Variants in SLC39A2 observed in about 807,000 individuals in gnomAD.
SLC39A2 encodes the protein solute carrier family 39 member 2.
Under a neutral mutation model 18.0 loss-of-function variants are expected in SLC39A2, and 14 were observed. The observed-to-expected ratio is 0.78, with a 90% CI of 0.51 to 1.22. The LOEUF is 1.22. Ranked by LOEUF, SLC39A2 falls within the 50% of genes most tolerant of loss-of-function variation. The probability of loss-of-function intolerance (pLI) is 0.00; values close to 1 mark genes in which losing one functional copy is unlikely to be tolerated. For missense variants in SLC39A2, 375 were observed against 370.6 expected (o/e 1.01, Z -0.10); for synonymous variants, 152 against 153.1 (o/e 0.99, Z 0.05).
chr14:20,999,945 A>T, intron 2 of SLC39A2, 73 bp downstream of exon 2: 1 of 1,586,574 alleles, frequency 6.3e-7, no homozygotes. Context: ...AGAGAGCGGG[A>T]AAGTGATGGA....
At chr14:21,000,888 C>A in intron 3 of SLC39A2, 59 bp from the exon 4 acceptor site, 1 of 1,311,798 alleles carries the variant, frequency 7.6e-7, no homozygotes, top group African/African-American at 1.5e-5. Context: ...AATTCCATGT[C>A]CATCCAATGT....
chr14:20,999,460 T>C lies in SLC39A2; in HGVS notation c.14T>C (p.Leu5Pro), dbSNP rs147067302. 1.5e-5 allele frequency: 24 copies of C among 1,613,858 alleles called. No homozygotes were observed. The African/African-American group carries it at 2.1e-4, about 14-fold the overall frequency. ...TACACCCCAGAGATGGAGCAACTAC[T>C]AGGAATAAAACTTGGCTGCCTGTTT... MEQL[L>P]GIKLGCLFAL... Residue 5 changes from leucine to proline, a missense_variant, in exon 1 of 4, where the codon CTA (leucine) becomes CCA (proline). Coordinates refer to ENST00000298681, the MANE Select transcript of SLC39A2 (RefSeq NM_014579.4).
intron 2 of SLC39A2, 86 bp downstream of exon 2, chr14:20,999,958 C>A: frequency 6.4e-7 from 1 of 1,558,560 alleles, no homozygotes; most frequent in Non-Finnish European, 8.8e-7. Flanking sequence ...GTGATGGAGC[C>A]AAGGACATGG....
intron 3 of SLC39A2, among the ~76,000 whole-genome samples, chr14:21,000,497 G>T (rs546954902): frequency 7.9e-5 from 12 of 152,242 alleles, no homozygotes; most frequent in African/African-American, 2.9e-4. Context: ...TTGTTGAGAT[G>T]AAATCTCTCT....
Position 20,999,675 on chromosome 14 carries a change from C to T in SLC39A2, c.116-67C>T, listed in dbSNP as rs78573493. 4.5e-4 allele frequency: 716 copies of T among 1,598,362 alleles called. 4 individuals are homozygous for T. The East Asian group carries it at 0.015, about 35-fold the overall frequency. On this transcript the variant is annotated intron_variant, in intron 1 of 3. Transcript: ENST00000298681. ...ACCTTGGGATATTGAGTGCTGCCTG[C>T]TGCTCTTTACTCACCTTTGTCTGTC...
chr14:21,001,557 C>A lies in SLC39A2; in HGVS notation c.908C>A (p.Ala303Asp), dbSNP rs1232793826. ...SCVAAGFAFM[A>D]FIALWA ...GTAGCCGCTGGTTTTGCCTTCATGG[C>A]CTTTATTGCCTTGTGGGCCTGAGAG... The change falls in exon 4 of 4, where the codon GCC becomes GAC. Residue 303 changes from alanine (A) to aspartate (D), a missense_variant. Physicochemically the swap from Ala to Asp is moderately radical, Grantham distance 126. Transcript: ENST00000298681. 6.4e-7 allele frequency: 1 copy of A among 1,564,816 alleles called. No homozygotes were observed. Among genetic ancestry groups the A allele is most frequent in the South Asian group, 1.2e-5 (1 of 81,880 alleles).
rs924451673 is a variant in SLC39A2, at chr14:21,001,645, A to G, written c.*66A>G. 3.3e-5 allele frequency: 49 copies of G among 1,464,670 alleles called. No homozygotes were observed. The highest frequency in any genetic ancestry group is 2.3e-5 in the Non-Finnish European group (25 of 1,092,122). The allele number at this position is 1,464,670 out of a possible 1,614,324, so 90.7% of individuals were successfully genotyped here. ...TCTCTATCCCCAGGGAGACCTCCCA[A>G]ATGGCTTTGACCCTCAGACATTTCT... On this transcript the variant is annotated 3_prime_UTR_variant, in exon 4 of 4. Transcript: ENST00000298681.
At chr14:21,000,895 A>G (rs1433676274) in intron 3 of SLC39A2, 52 bp from the exon 4 acceptor site, 2 of 1,367,322 alleles carry the variant, frequency 1.5e-6, no homozygotes, top group Admixed American at 2.5e-5. Context: ...TGTCCATCCA[A>G]TGTATTGCCT....
In SLC39A2 at chr14:21,001,664, C is replaced by A; in HGVS notation, c.*85C>A. On this transcript the variant is annotated 3_prime_UTR_variant, in exon 4 of 4. Transcript: ENST00000298681. ...CTCCCAAATGGCTTTGACCCTCAGA[C>A]ATTTCTTTACTCAGACTAAATAGCA... 1 of 1,335,512 alleles carries A rather than the reference C, an allele frequency of 7.5e-7. No homozygotes were observed. The highest frequency in any genetic ancestry group is 1.0e-6 in the Non-Finnish European group (1 of 978,006). The allele number at this position is 1,335,512 out of a possible 1,614,324, so 82.7% of individuals were successfully genotyped here.
rs758704040 is a variant in SLC39A2, at chr14:21,001,593, T to C, written c.*14T>C. 2.0e-6 allele frequency: 3 copies of C among 1,531,472 alleles called. No homozygotes were observed. The highest frequency in any genetic ancestry group is 4.3e-5 in the Admixed American group (2 of 46,642). The allele number at this position is 1,531,472 out of a possible 1,614,324, so 94.9% of individuals were successfully genotyped here. ...TTGTGGGCCTGAGAGATTCCTGGCT[T>C]TTCTGATGGACCTATTTAGGACAAC... On this transcript the variant is annotated 3_prime_UTR_variant, in exon 4 of 4. Coordinates refer to ENST00000298681, the MANE Select transcript of SLC39A2 (RefSeq NM_014579.4).
chr14:21,000,195 G>A lies in SLC39A2; in HGVS notation c.297+29G>A, dbSNP rs756257289. Reference sequence around the variant, plus strand: ...AGTACCTCCCACCATCCCCTATCTGGAGAGTGAGGAGAACCAGAGAGGCCT... The same window carrying A: ...AGTACCTCCCACCATCCCCTATCTGAAGAGTGAGGAGAACCAGAGAGGCCT... On this transcript the variant is annotated intron_variant, in intron 3 of 3. Transcript: ENST00000298681. The A allele has an allele frequency of 9.6e-6, 15 of 1,567,008 alleles. No individual in the cohort carries two copies. In the South Asian group the frequency reaches 1.7e-4, roughly 18 times the overall value.
Position 20,999,444 on chromosome 14 carries a change from G to C in SLC39A2, c.-3G>C. 6.2e-7 allele frequency: 1 copy of C among 1,612,018 alleles called. No individual in the cohort carries two copies. The highest frequency in any genetic ancestry group is 1.1e-5 in the South Asian group (1 of 91,042). On this transcript the variant is annotated 5_prime_UTR_variant, in exon 1 of 4. Coordinates refer to ENST00000298681, the MANE Select transcript of SLC39A2 (RefSeq NM_014579.4). ...ACTCCTGGGCTTACCCTACACCCCA[G>C]AGATGGAGCAACTACTAGGAATAAA... is the stretch of plus-strand genomic sequence containing the variant.
rs762488683 is a variant in SLC39A2 at position 21,000,955 on chromosome 14, T to A, written c.306T>A (p.Tyr102Ter). ...CTTCTTTTTGTTTCTAGATGGAGTA[T>A]CCCTATGGAGAGCTCATCATCTCCC... ...SGDADSAHME[Y>*]PYGELIISLG... The change falls in exon 4 of 4, where the codon TAT becomes TAA. Residue 102 changes from tyrosine to a stop codon, truncating the protein, a stop_gained. Coordinates refer to ENST00000298681, the MANE Select transcript of SLC39A2 (RefSeq NM_014579.4). LOFTEE classifies it low-confidence loss of function (END_TRUNC). 2.0e-6 allele frequency: 3 copies of A among 1,485,726 alleles called. No homozygotes were observed. The highest frequency in any genetic ancestry group is 1.8e-6 in the Non-Finnish European group (2 of 1,117,398). The allele number at this position is 1,485,726 out of a possible 1,614,324, so 92.0% of individuals were successfully genotyped here.
intron 3 of SLC39A2, 117 bp from the exon 4 acceptor site, chr14:21,000,830 C>T: frequency 2.3e-6 from 2 of 875,136 alleles, no homozygotes; most frequent in South Asian, 2.5e-5. Context: ...TTTCCCCTAC[C>T]CTTTTTTGTG....
At position 21,001,410 on chromosome 14, in the gene SLC39A2, G is replaced by A. The variant is rs772255805; in HGVS notation, c.761G>A (p.Arg254Gln). ...AVTGGDSEGG[R>Q]GLAQAVLEGV... is the part of the protein sequence containing the mutation. ...ACTGGAGGGGACTCTGAAGGAGGGCGGGGCTTAGCCCAGGCTGTGTTAGAG... is the reference window on the plus strand; with the variant it reads ...ACTGGAGGGGACTCTGAAGGAGGGCAGGGCTTAGCCCAGGCTGTGTTAGAG... Residue 254 changes from arginine (R) to glutamine (Q), a missense_variant, in exon 4 of 4, where the codon CGG becomes CAG. Transcript: ENST00000298681. 44 of 1,613,936 alleles carry A rather than the reference G, an allele frequency of 2.7e-5. No homozygotes were observed. The highest frequency in any genetic ancestry group is 1.5e-4 in the South Asian group (14 of 91,076).
Position 20,999,772 on chromosome 14 carries a change from G to A in SLC39A2, c.146G>A (p.Gly49Asp), listed in dbSNP as rs1233293809. 5 of 1,614,046 alleles carry A rather than the reference G, an allele frequency of 3.1e-6. No individual in the cohort carries two copies. Among genetic ancestry groups the A allele is most frequent in the Admixed American group, 3.3e-5 (2 of 59,998 alleles). The change falls in exon 2 of 4, where the codon GGC becomes GAC. Residue 49 changes from glycine to aspartate, a missense_variant. By Grantham distance (94) the Gly-to-Asp change is moderately conservative. Transcript: ENST00000298681. ...CACCGGCTAGTCCTCAGACTCCTGG[G>A]CTGTATTTCTGCTGGTGTTTTCCTG... ...GHHRLVLRLL[G>D]CISAGVFLGA...
chr14:21,001,315 A>T lies in SLC39A2; in HGVS notation c.666A>T (p.Arg222=). The change falls in exon 4 of 4, where the codon CGA becomes CGT. Residue 222 remains arginine (R), a synonymous_variant. Coordinates refer to ENST00000298681, the MANE Select transcript of SLC39A2 (RefSeq NM_014579.4). The part of the protein sequence containing the change: ...MRLVHLGTSS[R]WAVFSILLLA... The stretch of plus-strand genomic sequence containing the variant: ...TAGTGCATTTAGGTACCAGCTCACG[A>T]TGGGCAGTGTTCTCCATACTATTAT... 1 of 1,614,174 alleles carries T rather than the reference A, an allele frequency of 6.2e-7. No homozygotes were observed. The highest frequency in any genetic ancestry group is 8.5e-7 in the Non-Finnish European group (1 of 1,180,030).
In SLC39A2 at chr14:20,999,876, A is replaced by C. The variant is rs765228652; in HGVS notation, c.246+4A>C. 1 of 1,613,862 alleles carries C rather than the reference A, an allele frequency of 6.2e-7. No homozygotes were observed. Among genetic ancestry groups the C allele is most frequent in the South Asian group, 1.1e-5 (1 of 91,060 alleles). On this transcript the variant is annotated splice_donor_region_variant and intron_variant, in intron 2 of 3. Coordinates refer to ENST00000298681, the MANE Select transcript of SLC39A2 (RefSeq NM_014579.4). ...GATTCAGAAGTTCATGGTGCAGGTG[A>C]GAGCAGAGATTTCAAGCCGCAGGTC...
chr14:20,999,812 G>A lies in SLC39A2; in HGVS notation c.186G>A (p.Met62Ile), dbSNP rs199710277. Residue 62 changes from methionine to isoleucine, a missense_variant, in exon 2 of 4, where the codon ATG becomes ATA. Physicochemically the swap from Met to Ile is conservative, Grantham distance 10. Coordinates refer to ENST00000298681, the MANE Select transcript of SLC39A2 (RefSeq NM_014579.4). ...GTGTTTTCCTGGGAGCAGGGTTCAT[G>A]CATATGACTGCTGAAGCCCTGGAGG... ...SAGVFLGAGF[M>I]HMTAEALEEI... 58 of 1,614,000 alleles carry A rather than the reference G, an allele frequency of 3.6e-5. No homozygotes were observed. Among genetic ancestry groups the A allele is most frequent in the Non-Finnish European group, 4.5e-5 (53 of 1,179,966 alleles).
Sources: gnomAD v4.1 joint callset for allele counts (sites outside exome capture counted in the v4.1 genomes callset) on GRCh38, gnomAD v4.1.1 for gene constraint, MANE v1.5 for transcripts, NCBI Gene and HGNC (gene_info 2026-07-23, HGNC 2026-07-21) for gene names.